Variants in METTL24 observed in about 807,000 individuals in gnomAD.
METTL24 encodes the protein methyltransferase like 24, also known as probable methyltransferase-like protein 24.
Under a neutral mutation model 32.7 loss-of-function variants are expected in METTL24, and 29 were observed. The ratio of observed to expected loss-of-function variants is 0.89; its 90% CI spans 0.66 to 1.21. The LOEUF (loss-of-function observed/expected upper bound fraction) is 1.21. Among genes scored for constraint, METTL24 ranks in the 50% most tolerant of loss-of-function variants. The pLI is 0.00. For synonymous variants in METTL24, 163 were observed against 179.5 expected (o/e 0.91, Z 0.73); for missense variants, 439 against 468.1 (o/e 0.94, Z 0.57).
intron 4 of METTL24, among the ~76,000 whole-genome samples, chr6:110,272,180 A>T (rs934155798): frequency 2.0e-5 from 3 of 152,128 alleles, no homozygotes; most frequent in Non-Finnish European, 4.4e-5. Context: ...ATGCTTTTGC[A>T]TCCTCATAGC....
At chr6:110,306,160 G>T (rs538618634) in intron 3 of METTL24, among the ~76,000 whole-genome samples, 1 of 151,352 alleles carries the variant, frequency 6.6e-6, no homozygotes, top group African/African-American at 2.4e-5. Flanking sequence ...CTGTTGGGGG[G>T]TGGGGGGCAA....
At chr6:110,247,858 C>A (rs1163617486) in intron 4 of METTL24, among the ~76,000 whole-genome samples, 3 of 152,164 alleles carry the variant, frequency 2.0e-5, no homozygotes, top group Non-Finnish European at 2.9e-5. Flanking sequence ...GTGCCACATC[C>A]AAACTATTCT....
chr6:110,260,782 A>G (rs2114699311), intron 4 of METTL24, among the ~76,000 whole-genome samples: 1 of 152,360 alleles, frequency 6.6e-6, no homozygotes, highest in South Asian at 2.1e-4. Context: ...CAGAAACTCT[A>G]CAAGCCAGAA....
At chr6:110,340,838 T>C (rs1582439139) in intron 1 of METTL24, among the ~76,000 whole-genome samples, 1 of 152,128 alleles carries the variant, frequency 6.6e-6, no homozygotes, top group Middle Eastern at 3.4e-3. Flanking sequence ...CGTTCTCTAT[T>C]TTTTTTTCCA....
chr6:110,324,405 G>T (rs4945853), intron 1 of METTL24, among the ~76,000 whole-genome samples: 30,668 of 152,052 alleles, frequency 0.2, 4,498 homozygotes, highest in African/African-American at 0.4. Context: ...AGCTGTATGG[G>T]CATGCAACCT....
chr6:110,353,370 A>G (rs536691157), intron 1 of METTL24, among the ~76,000 whole-genome samples: 3 of 152,006 alleles, frequency 2.0e-5, no homozygotes, highest in Non-Finnish European at 4.4e-5. Flanking sequence ...ATCTTCAAGT[A>G]TTTTGTAAAG....
At chr6:110,274,949 T>A (rs1582395304) in intron 4 of METTL24, among the ~76,000 whole-genome samples, 2 of 151,104 alleles carry the variant, frequency 1.3e-5, no homozygotes, top group South Asian at 4.2e-4. Context: ...CAGGCGCACA[T>A]CACCACACCC....
intron 4 of METTL24, among the ~76,000 whole-genome samples, chr6:110,272,285 T>C (rs1420994017): frequency 6.6e-6 from 1 of 152,236 alleles, no homozygotes; most frequent in Non-Finnish European, 1.5e-5. Flanking sequence ...TCCAAGTTGT[T>C]GCAAAGGCTA....
At chr6:110,247,386 C>T (rs1031369410) in intron 4 of METTL24, among the ~76,000 whole-genome samples, 39 of 152,310 alleles carry the variant, frequency 2.6e-4, no homozygotes, top group African/African-American at 8.2e-4. Flanking sequence ...CTAACATTGC[C>T]TCTTCCAATA....
intron 4 of METTL24, among the ~76,000 whole-genome samples, chr6:110,274,425 C>T (rs947699969): frequency 3.9e-5 from 6 of 152,132 alleles, no homozygotes; most frequent in African/African-American, 1.4e-4. Flanking sequence ...AACCAAACAT[C>T]AGATGTTCTC....
At chr6:110,307,923 G>C (rs1771653354) in intron 3 of METTL24, among the ~76,000 whole-genome samples, 2 of 152,170 alleles carry the variant, frequency 1.3e-5, no homozygotes, top group South Asian at 4.1e-4. Flanking sequence ...TAATGCTGGG[G>C]TTAGAAGTAA....
intron 1 of METTL24, among the ~76,000 whole-genome samples, chr6:110,327,813 C>G (rs558800673): frequency 6.6e-6 from 1 of 152,320 alleles, no homozygotes; most frequent in East Asian, 1.9e-4. Flanking sequence ...TTTAAAACCT[C>G]TTTTTAATCA....
intron 4 of METTL24, among the ~76,000 whole-genome samples, chr6:110,289,113 A>G (rs1771275186): frequency 7.3e-6 from 1 of 137,644 alleles, no homozygotes; most frequent in Admixed American, 6.9e-5. Flanking sequence ...AGGTTACTGC[A>G]AAGTCACTAG....
At chr6:110,280,265 A>G (rs1015724726) in intron 4 of METTL24, among the ~76,000 whole-genome samples, 1 of 152,228 alleles carries the variant, frequency 6.6e-6, no homozygotes, top group African/African-American at 2.4e-5. Context: ...GCCTCAGAGT[A>G]CATAAACAGG....
At chr6:110,283,681 A>T (rs7770706) in intron 4 of METTL24, among the ~76,000 whole-genome samples, 19,528 of 152,196 alleles carry the variant, frequency 0.13, 2,871 homozygotes, top group African/African-American at 0.36. Flanking sequence ...ATAGCACTCA[A>T]CATACTTCTG....
intron 4 of METTL24, among the ~76,000 whole-genome samples, chr6:110,287,519 T>C (rs1248184691): frequency 2.6e-5 from 4 of 152,146 alleles, no homozygotes; most frequent in Admixed American, 6.5e-5. Context: ...CAAATTTAGA[T>C]AGAAATTGCC....
chr6:110,330,412 C>T (rs1772092935), intron 1 of METTL24, among the ~76,000 whole-genome samples: 1 of 152,134 alleles, frequency 6.6e-6, no homozygotes, highest in South Asian at 2.1e-4. Flanking sequence ...GGGGTAAAAG[C>T]CCAAACTTTC....
intron 4 of METTL24, among the ~76,000 whole-genome samples, chr6:110,266,544 C>T (rs1770860804): frequency 6.6e-6 from 1 of 152,220 alleles, no homozygotes; most frequent in Admixed American, 6.5e-5. Context: ...TCCTCCTTTC[C>T]TCCAGGATCA....
chr6:110,306,906 A>T (rs925131854), intron 3 of METTL24, among the ~76,000 whole-genome samples: 7 of 152,188 alleles, frequency 4.6e-5, no homozygotes, highest in Non-Finnish European at 1.0e-4. Context: ...CATGGAAGGA[A>T]TATTTGTGAT....
Sources: gnomAD v4.1 joint callset for allele counts (sites outside exome capture counted in the v4.1 genomes callset) on GRCh38, gnomAD v4.1.1 for gene constraint, MANE v1.5 for transcripts, NCBI Gene and HGNC (gene_info 2026-07-23, HGNC 2026-07-21) for gene names.